RANBP10: variants seen among roughly 807,000 people sequenced by gnomAD.
RANBP10 encodes the protein RAN binding protein 10.
Under a neutral mutation model 72.8 loss-of-function variants are expected in RANBP10, and 24 were observed. That is an observed-to-expected ratio of 0.33 (90% CI 0.24 to 0.46). RANBP10 has a LOEUF of 0.46. Ranked by LOEUF, RANBP10 falls within the 20% of genes least tolerant of loss-of-function variation. RANBP10 has a pLI of 1.00. For missense variants in RANBP10, 679 were observed against 817.5 expected (o/e 0.83, Z 2.07); for synonymous variants, 310 against 322.3 (o/e 0.96, Z 0.41).
Position 67,729,633 on chromosome 16 carries a change from T to C in RANBP10, c.1147+47A>G. 1 of 1,574,330 alleles carries C rather than the reference T, an allele frequency of 6.4e-7. No individual in the cohort carries two copies. The highest frequency in any genetic ancestry group is 8.6e-7 in the Non-Finnish European group (1 of 1,160,254). On this transcript the variant is annotated intron_variant, in intron 9 of 13. Transcript: ENST00000317506. This position sits in a 1 kb window ranked among gnomAD's most constrained non-coding sequence, Gnocchi z 7.1. ...AGGAAAGGGTATGTGGAGTGGCCTC[T>C]CTCCTCCACACCAGTTCTTCCCAGA...
chr16:67,805,028 T>A (rs369021545), intron 2 of RANBP10, among the ~76,000 whole-genome samples: 2 of 152,112 alleles, frequency 1.3e-5, no homozygotes. Flanking sequence ...CTTTGAAGGC[T>A]ACCAGGGCCT....
chr16:67,728,042 C>G, intron 11 of RANBP10, 146 bp from the exon 12 acceptor site: 3 of 851,354 alleles, frequency 3.5e-6, no homozygotes, highest in Non-Finnish European at 5.5e-6. Context: ...CAGCTACAGT[C>G]AAGGCGTTCT....
intron 3 of RANBP10, among the ~76,000 whole-genome samples, chr16:67,757,567 C>T (rs2054310561): frequency 6.6e-6 from 1 of 152,178 alleles, no homozygotes; most frequent in Non-Finnish European, 1.5e-5. Context: ...AGGGTGGTCA[C>T]TCACACAGAG....
chr16:67,785,664 G>T (rs1358500554), intron 2 of RANBP10, among the ~76,000 whole-genome samples: 2 of 147,904 alleles, frequency 1.4e-5, no homozygotes, highest in Admixed American at 1.4e-4. Flanking sequence ...GGAGGCAAAG[G>T]TTGCAGTGAG....
chr16:67,734,942 C>T lies in RANBP10; in HGVS notation c.692G>A (p.Arg231Gln), dbSNP rs777457421. The T allele has an allele frequency of 2.1e-5, 34 of 1,613,954 alleles. No individual in the cohort carries two copies. Among genetic ancestry groups the T allele is most frequent in the African/African-American group, 2.7e-5 (2 of 74,938 alleles). ...GCCCTGGACCTTGGCACGCCACTCC[C>T]GCATGTAGTCCTCAATGTCAAACAG... The part of the protein sequence containing the change: ...PFLFDIEDYM[R>Q]EWRAKVQGTV... The change falls in exon 6 of 14, where the codon CGG becomes CAG. Residue 231 changes from arginine (R) to glutamine (Q), a missense_variant. Coordinates refer to ENST00000317506, the MANE Select transcript of RANBP10 (RefSeq NM_020850.3).
intron 3 of RANBP10, among the ~76,000 whole-genome samples, chr16:67,754,780 A>C (rs1236811625): frequency 6.6e-6 from 1 of 152,214 alleles, no homozygotes; most frequent in African/African-American, 2.4e-5. Context: ...GGTTCTGGCC[A>C]CAGCACTGTT....
intron 3 of RANBP10, among the ~76,000 whole-genome samples, chr16:67,771,687 T>C (rs960481712): frequency 4.6e-5 from 7 of 152,158 alleles, no homozygotes; most frequent in South Asian, 2.1e-4. Flanking sequence ...GGAGCCAAGG[T>C]TGGCAGCAGT....
At chr16:67,756,846 C>G (rs140143458) in intron 3 of RANBP10, among the ~76,000 whole-genome samples, 2 of 152,300 alleles carry the variant, frequency 1.3e-5, no homozygotes, top group Non-Finnish European at 2.9e-5. Context: ...AATCCCAATT[C>G]TGTCACTTCT....
At chr16:67,727,582 A>G (rs1235299001) in intron 12 of RANBP10, 144 bp from the exon 13 acceptor site, 6 of 1,329,428 alleles carry the variant, frequency 4.5e-6, no homozygotes, top group Non-Finnish European at 5.3e-6. Context: ...TACTCTCCCC[A>G]GAGCCTAGGT....
rs1218897905 is a variant in RANBP10 at position 67,731,467 on chromosome 16, C to T, written c.889+5G>A. The T allele has an allele frequency of 6.2e-7, 1 of 1,603,952 alleles. No homozygotes were observed. The highest frequency in any genetic ancestry group is 1.3e-5 in the African/African-American group (1 of 74,650). ...AGGGAAAGGGGAAAGTAGAATAAAC[C>T]TTACTTTGTCTGTTCTTTATGGACG... is the stretch of plus-strand genomic sequence containing the variant. On this transcript the variant is annotated splice_donor_5th_base_variant and intron_variant, in intron 7 of 13. Coordinates refer to ENST00000317506, the MANE Select transcript of RANBP10 (RefSeq NM_020850.3).
chr16:67,782,446 T>C (rs1257420435), intron 2 of RANBP10, among the ~76,000 whole-genome samples: 5 of 151,770 alleles, frequency 3.3e-5, no homozygotes, highest in Admixed American at 2.0e-4. Flanking sequence ...ATTTTATATT[T>C]TATTTTATTT....
chr16:67,727,083 C>A (rs2053616109), intron 13 of RANBP10, among the ~76,000 whole-genome samples: 1 of 152,166 alleles, frequency 6.6e-6, no homozygotes, highest in Non-Finnish European at 1.5e-5. Context: ...TCACCTGAGG[C>A]CAGGAGTTCG....
chr16:67,735,363 C>T (rs1458445100), intron 5 of RANBP10, among the ~76,000 whole-genome samples: 1 of 152,188 alleles, frequency 6.6e-6, no homozygotes, highest in Non-Finnish European at 1.5e-5. Context: ...CTGGGCTCCA[C>T]GACCCTTCAG....
At position 67,725,601 on chromosome 16, in the gene RANBP10, A is replaced by G. The variant is rs76631359; in HGVS notation, c.*827T>C. 4 of 152,432 alleles carry G rather than the reference A, an allele frequency of 2.6e-5. No individual in the cohort carries two copies. In the East Asian group the frequency reaches 7.7e-4, roughly 29 times the overall value. The allele number at this position is 152,432 out of a possible 1,614,324, so 9.4% of individuals were successfully genotyped here. A position where few individuals can be genotyped will look rare whatever the true frequency, so the allele number is the denominator to read the frequency against. ...TAGAGTGGTAGATAGTGTGCTGGCC[A>G]AGGACCCTCTACCTCTGCTGTGTGG... On this transcript the variant is annotated 3_prime_UTR_variant, in exon 14 of 14. Coordinates refer to ENST00000317506, the MANE Select transcript of RANBP10 (RefSeq NM_020850.3).
At chr16:67,794,945 AC>A (rs1341281190) in intron 2 of RANBP10, among the ~76,000 whole-genome samples, 6,266 of 139,760 alleles carry the variant, frequency 0.045, 346 homozygotes, top group African/African-American at 0.087. Flanking sequence ...AAAAAAAAAA[AC>A]AAAAAAAAAA....
At chr16:67,731,605 C>T (rs1567674286) in intron 6 of RANBP10, 21 bp from the exon 7 acceptor site, 4 of 1,581,818 alleles carry the variant, frequency 2.5e-6, no homozygotes, top group Middle Eastern at 1.7e-4. Flanking sequence ...GGAAGAGCTT[C>T]AGGTGACACT....
intron 2 of RANBP10, among the ~76,000 whole-genome samples, chr16:67,794,940 A>C (rs1324349488): frequency 8.1e-5 from 12 of 149,028 alleles, no homozygotes; most frequent in Middle Eastern, 3.5e-3. Context: ...TAAAAAAAAA[A>C]AAAAACAAAA....
At chr16:67,727,985 C>G in intron 11 of RANBP10, 89 bp from the exon 12 acceptor site, 2 of 1,423,348 alleles carry the variant, frequency 1.4e-6, no homozygotes, top group South Asian at 2.4e-5. Flanking sequence ...CCCGGGTGGG[C>G]TGCAGCTTCT....
At chr16:67,753,945 T>C (rs1397918488) in intron 3 of RANBP10, among the ~76,000 whole-genome samples, 1 of 151,894 alleles carries the variant, frequency 6.6e-6, no homozygotes. Flanking sequence ...CCATCCTGGC[T>C]AACATGGTGA....
Sources: allele counts gnomAD v4.1 joint callset (sites outside exome capture counted in the v4.1 genomes callset), GRCh38; gene constraint gnomAD v4.1.1; non-coding constraint Gnocchi (gnomAD v3.1); transcripts MANE v1.5; gene names NCBI Gene and HGNC (gene_info 2026-07-23, HGNC 2026-07-21).